The following ELL2 variants were observed in gnomAD, a reference collection of about 807,000 sequenced individuals.
ELL2 encodes RNA polymerase II elongation factor ELL2.
In ELL2, 21 loss-of-function variants were observed where a neutral mutation model predicts 72.8. The observed-to-expected ratio is 0.29, with a 90% CI of 0.20 to 0.42. The LOEUF (loss-of-function observed/expected upper bound fraction) is 0.42, where lower values mean the gene tolerates loss of function less well. ELL2 is among the 10% of genes least tolerant of loss of function. The pLI is 1.00. For synonymous variants in ELL2, 266 were observed against 283.2 expected, an observed-to-expected ratio of 0.94 and a Z score of 0.61; for missense variants, 568 against 772.8, an observed-to-expected ratio of 0.73 and a Z score of 3.14.
chr5:95,910,705 T>A (rs1377620674), intron 4 of ELL2, among the ~76,000 whole-genome samples: 2 of 152,170 alleles, frequency 1.3e-5, no homozygotes, highest in African/African-American at 4.8e-5. Context: ...TCAGCCGTCA[T>A]CACGCTACCA....
chr5:95,943,676 A>T (rs548389547), intron 1 of ELL2, among the ~76,000 whole-genome samples: 1 of 152,336 alleles, frequency 6.6e-6, no homozygotes, highest in South Asian at 2.1e-4. Flanking sequence ...ATTTTCTCAC[A>T]TTTTATCAGA....
At chr5:95,907,296 A>ATATATATATATATTTTTTTTTTTTTTTT in intron 4 of ELL2, among the ~76,000 whole-genome samples, 11 of 116,476 alleles carry the variant, frequency 9.4e-5, no homozygotes, top group African/African-American at 4.1e-4. Flanking sequence ...ATATATATAT[A>ATATATATATATATTTTTTTTTTTTTTTT]TTTTTTTTTT....
chr5:95,914,363 T>C (rs921957518), intron 3 of ELL2, among the ~76,000 whole-genome samples: 13 of 152,118 alleles, frequency 8.5e-5, no homozygotes, highest in African/African-American at 3.1e-4. Flanking sequence ...TCACCACACA[T>C]TCTTTTTTAT....
At chr5:95,896,516 T>C (rs1028611900) in intron 8 of ELL2, among the ~76,000 whole-genome samples, 3 of 152,220 alleles carry the variant, frequency 2.0e-5, no homozygotes, top group African/African-American at 7.2e-5. Flanking sequence ...CGGTTTAATA[T>C]TTTAAAGGAC....
At chr5:95,908,806 C>A (rs1473338690) in intron 4 of ELL2, among the ~76,000 whole-genome samples, 1 of 152,148 alleles carries the variant, frequency 6.6e-6, no homozygotes, top group African/African-American at 2.4e-5. Context: ...ACTCCCTCCC[C>A]CTTAACAAGT....
At chr5:95,943,122 T>A (rs1341536011) in intron 1 of ELL2, 73 bp from the exon 2 acceptor site, 16 of 1,333,432 alleles carry the variant, frequency 1.2e-5, no homozygotes, top group Non-Finnish European at 1.7e-5. Context: ...GTTTAAACTT[T>A]AAATCTATGT....
intron 2 of ELL2, among the ~76,000 whole-genome samples, chr5:95,920,627 C>T (rs1460075620): frequency 6.6e-6 from 1 of 151,992 alleles, no homozygotes; most frequent in East Asian, 1.9e-4. Context: ...GCATTGGCCA[C>T]ATTGCCTGAT....
At chr5:95,958,697 G>A (rs970703528) in intron 1 of ELL2, among the ~76,000 whole-genome samples, 4 of 152,168 alleles carry the variant, frequency 2.6e-5, no homozygotes, top group African/African-American at 9.7e-5. Flanking sequence ...TTTTGCAGGA[G>A]AAAAGGAATC....
intron 1 of ELL2, among the ~76,000 whole-genome samples, chr5:95,945,848 A>T (rs17085335): frequency 0.022 from 3,299 of 152,250 alleles, 129 homozygotes; most frequent in African/African-American, 0.075. Flanking sequence ...TCTGACCTGT[A>T]AATTCCTGCC....
At chr5:95,951,388 T>TA (rs1186620848) in intron 1 of ELL2, among the ~76,000 whole-genome samples, 1 of 144,614 alleles carries the variant, frequency 6.9e-6, no homozygotes, top group East Asian at 2.2e-4. Context: ...ATAAAATAAA[T>TA]AAATAAATAA....
Position 95,947,724 on chromosome 5 carries a change from CT to C in ELL2, c.148-4676del, listed in dbSNP as rs1329791927. Among the ~76,000 whole-genome samples, 6 of 152,220 alleles carry C rather than the reference CT, an allele frequency of 3.9e-5. No individual in the cohort carries two copies. In the East Asian group the frequency reaches 1.2e-3, roughly 29 times the overall value. On this transcript the variant is annotated intron_variant, in intron 1 of 11. Transcript: ENST00000237853. ...TCTTGCCTCTGAAATGTGTTACCCC[CT>C]AGTGCTAAATATTTAAAAGACCTTA...
At chr5:95,957,413 G>A (rs1190550654) in intron 1 of ELL2, among the ~76,000 whole-genome samples, 2 of 152,152 alleles carry the variant, frequency 1.3e-5, no homozygotes, top group Non-Finnish European at 2.9e-5. Flanking sequence ...CTATAAAGTT[G>A]TAATTTGTGA....
intron 3 of ELL2, among the ~76,000 whole-genome samples, chr5:95,914,516 A>G (rs996807043): frequency 6.6e-6 from 1 of 152,234 alleles, no homozygotes; most frequent in Non-Finnish European, 1.5e-5. Flanking sequence ...CCTACTTATT[A>G]GCAAATGTTG....
rs549264317 is a variant in ELL2 at position 95,903,901 on chromosome 5, A to G, written c.741+2622T>C. On this transcript the variant is annotated intron_variant, in intron 5 of 11. Transcript: ENST00000237853. ...CATCTCAGTCAATGGCTCAATATCC[A>G]TTCAATTGCTCAGCCAAAAACCTAG... is the stretch of plus-strand genomic sequence containing the variant. Among the ~76,000 whole-genome samples the G allele has an allele frequency of 9.9e-5, 15 of 152,228 alleles. No individual in the cohort carries two copies. In the East Asian group the frequency reaches 2.7e-3, roughly 27 times the overall value.
At chr5:95,889,246 T>A in intron 10 of ELL2, 116 bp from the exon 11 acceptor site, 1 of 847,870 alleles carries the variant, frequency 1.2e-6, no homozygotes, top group Non-Finnish European at 1.8e-6. Flanking sequence ...GGAATGTAAC[T>A]TGAAACAATC....
At chr5:95,954,429 CAG>C (rs1472325954) in intron 1 of ELL2, among the ~76,000 whole-genome samples, 1 of 126,818 alleles carries the variant, frequency 7.9e-6, no homozygotes, top group Non-Finnish European at 1.6e-5. Context: ...TTTTTTAAGA[CAG>C]AGTCTTGCTC....
chr5:95,892,726 T>C (rs1278501907), intron 9 of ELL2, among the ~76,000 whole-genome samples: 2 of 152,306 alleles, frequency 1.3e-5, no homozygotes, highest in East Asian at 3.9e-4. Flanking sequence ...ATTACTAATA[T>C]CACAGACGCC....
At position 95,929,801 on chromosome 5, in the gene ELL2, A is replaced by C. The variant is rs1158462873; in HGVS notation, c.196-10256T>G. On this transcript the variant is annotated intron_variant, in intron 2 of 11. Transcript: ENST00000237853. ...AAGGGTAAAAAAAAAAAAACAACAA[A>C]AAACAAAAAAACCCCCACACAGCTG... is the stretch of plus-strand genomic sequence containing the variant. Among the ~76,000 whole-genome samples, 6 of 151,568 alleles carry C rather than the reference A, an allele frequency of 4.0e-5. No homozygotes were observed. The East Asian group carries it at 1.2e-3, about 29-fold the overall frequency.
chr5:95,921,313 C>T (rs572693960), intron 2 of ELL2, among the ~76,000 whole-genome samples: 2 of 152,286 alleles, frequency 1.3e-5, no homozygotes, highest in Admixed American at 1.3e-4. Flanking sequence ...ACCAAAGATA[C>T]TATAGATAGA....
Sources: gnomAD v4.1 joint callset for allele counts (sites outside exome capture counted in the v4.1 genomes callset) on GRCh38, gnomAD v4.1.1 for gene constraint, MANE v1.5 for transcripts, NCBI Gene and HGNC (gene_info 2026-07-23, HGNC 2026-07-21) for gene names.